Variants in USP24 observed in about 807,000 individuals in gnomAD.
USP24 encodes ubiquitin specific peptidase 24.
In USP24, 97 loss-of-function variants were observed where a neutral mutation model predicts 361.6. That is an observed-to-expected ratio of 0.27 (90% CI 0.23 to 0.32). The LOEUF is 0.32. Among genes scored for constraint, USP24 ranks in the 10% least tolerant of loss-of-function variants. The pLI is 1.00. For synonymous variants in USP24, 1,098 were observed against 1,124.6 expected, an observed-to-expected ratio of 0.98 and a Z score of 0.47; for missense variants, 2,353 against 3,165.6, an observed-to-expected ratio of 0.74 and a Z score of 6.16.
rs1645241071 is a variant in USP24, at chr1:55,085,934, A to T, written c.6765+8T>A. The T allele has an allele frequency of 6.2e-7, 1 of 1,612,876 alleles. No individual in the cohort carries two copies. Among genetic ancestry groups the T allele is most frequent in the Non-Finnish European group, 8.5e-7 (1 of 1,179,148 alleles). Reference sequence around the variant, plus strand: ...GTGTATAAATAACGTTTTAAAAATGAGACCGACCTTATCCTGATAAAACAA... The same window carrying T: ...GTGTATAAATAACGTTTTAAAAATGTGACCGACCTTATCCTGATAAAACAA... On this transcript the variant is annotated splice_region_variant and intron_variant, in intron 56 of 67. Coordinates refer to ENST00000294383, the MANE Select transcript of USP24 (RefSeq NM_015306.3).
chr1:55,166,542 T>G, intron 6 of USP24, 26 bp downstream of exon 6: 4 of 1,572,550 alleles, frequency 2.5e-6, no homozygotes, highest in Non-Finnish European at 3.5e-6. Context: ...ATATGCTACA[T>G]GACAATATTA....
intron 1 of USP24, 124 bp downstream of exon 1, chr1:55,214,666 C>G: frequency 2.3e-6 from 2 of 853,354 alleles, no homozygotes; most frequent in Non-Finnish European, 3.0e-6. Flanking sequence ...TCTCTCCGCC[C>G]CGCCCCCACT....
chr1:55,154,312 A>G, intron 14 of USP24, 32 bp from the exon 15 acceptor site: 5 of 1,583,084 alleles, frequency 3.2e-6, no homozygotes, highest in Non-Finnish European at 4.3e-6. Context: ...TCAGCCAGCC[A>G]ATATGCAAAT....
intron 1 of USP24, among the ~76,000 whole-genome samples, chr1:55,191,199 A>G (rs77615617): frequency 0.025 from 3,741 of 152,268 alleles, 56 homozygotes; most frequent in Non-Finnish European, 0.037. Flanking sequence ...CAGATGAACT[A>G]ATGTGTTCAA....
At chr1:55,120,476 A>T (rs533992720) in intron 38 of USP24, 120 bp downstream of exon 38, 2 of 1,229,700 alleles carry the variant, frequency 1.6e-6, no homozygotes, top group African/African-American at 3.1e-5. Context: ...CCCAAATTTC[A>T]GAAGAAGAAA....
chr1:55,193,358 C>T (rs1644338040), intron 1 of USP24, among the ~76,000 whole-genome samples: 1 of 152,056 alleles, frequency 6.6e-6, no homozygotes, highest in Admixed American at 6.5e-5. Context: ...CCCACAGAAA[C>T]CAAGGGACAA....
chr1:55,153,507 T>C (rs1173155757), intron 16 of USP24, among the ~76,000 whole-genome samples: 2 of 152,118 alleles, frequency 1.3e-5, no homozygotes, highest in Non-Finnish European at 2.9e-5. Flanking sequence ...GCTCCTCCAT[T>C]TCTCCTTTAT....
chr1:55,097,784 G>C, intron 47 of USP24, 67 bp from the exon 48 acceptor site: 1 of 1,506,468 alleles, frequency 6.6e-7, no homozygotes, highest in Non-Finnish European at 8.8e-7. Context: ...AAACAGCACA[G>C]TAATTAATGC....
intron 1 of USP24, among the ~76,000 whole-genome samples, chr1:55,192,583 A>G (rs1226564866): frequency 1.3e-5 from 2 of 152,256 alleles, no homozygotes; most frequent in Non-Finnish European, 2.9e-5. Context: ...GAGCTTAAGG[A>G]AAAACATGCA....
At chr1:55,196,746 T>C (rs1030662561) in intron 1 of USP24, among the ~76,000 whole-genome samples, 1 of 152,236 alleles carries the variant, frequency 6.6e-6, no homozygotes, top group Non-Finnish European at 1.5e-5. Flanking sequence ...TATCTCCCTG[T>C]TGAAAACCTT....
At chr1:55,214,720 G>A (rs1011482139) in intron 1 of USP24, 70 bp downstream of exon 1, 4 of 1,106,260 alleles carry the variant, frequency 3.6e-6, no homozygotes, top group Non-Finnish European at 3.4e-6. Flanking sequence ...CAAGCCCAGC[G>A]GGGTGTGTCC....
chr1:55,171,724 C>A (rs768378909), intron 4 of USP24, 46 bp from the exon 5 acceptor site: 2 of 1,560,532 alleles, frequency 1.3e-6, no homozygotes, highest in Non-Finnish European at 1.7e-6. Context: ...ATTTCTATAG[C>A]AACACATATT....
In USP24 at chr1:55,124,547, G is replaced by C; in HGVS notation, c.4042C>G (p.Leu1348Val). ...TTAATTGGCTGGCTACTCCCAACAA[G>C]ATCAAGCCGTCCTGCAGCCGCAGCC... ...SWAAAAGRLDLVGSSQPIKES... is the reference protein window; with the variant it reads ...SWAAAAGRLDVVGSSQPIKES... Residue 1348 changes from leucine (L) to valine (V), a missense_variant, in exon 35 of 68, where the codon CTT becomes GTT. Physicochemically the swap from Leu to Val is conservative, Grantham distance 32 (BLOSUM62 1). Around this residue, in one of 8 missense-constraint regions of USP24, gnomAD observed 949 missense variants for 1,280.5 expected, o/e 0.74. Transcript: ENST00000294383. The C allele has an allele frequency of 6.2e-7, 1 of 1,613,880 alleles. No individual in the cohort carries two copies. Among genetic ancestry groups the C allele is most frequent in the East Asian group, 2.2e-5 (1 of 44,882 alleles).
At chr1:55,166,546 A>T in intron 6 of USP24, 22 bp downstream of exon 6, 2 of 1,575,730 alleles carry the variant, frequency 1.3e-6, no homozygotes, top group Non-Finnish European at 1.7e-6. Flanking sequence ...GCTACATGAC[A>T]ATATTAACAA....
chr1:55,127,238 C>T (rs1394684078), intron 32 of USP24, among the ~76,000 whole-genome samples: 1 of 152,064 alleles, frequency 6.6e-6, no homozygotes, highest in East Asian at 1.9e-4. Context: ...CCACAACAGT[C>T]CCCAGAGTGT....
chr1:55,098,341 G>T, intron 46 of USP24, 135 bp downstream of exon 46: 1 of 893,568 alleles, frequency 1.1e-6, no homozygotes. Context: ...AGAAATTTAA[G>T]TCACTAAATA....
chr1:55,072,496 TC>T, intron 65 of USP24, 93 bp from the exon 66 acceptor site: 2 of 1,060,314 alleles, frequency 1.9e-6, no homozygotes. Flanking sequence ...CTTAAAAGCA[TC>T]CCAAGTAGGG....
At chr1:55,106,807 C>A (rs997321581) in intron 40 of USP24, among the ~76,000 whole-genome samples, 23 of 152,174 alleles carry the variant, frequency 1.5e-4, no homozygotes, top group African/African-American at 5.5e-4. Flanking sequence ...ACTGAATAAT[C>A]TTTTACAAAT....
intron 38 of USP24, among the ~76,000 whole-genome samples, chr1:55,118,732 A>G (rs182063048): frequency 9.9e-4 from 151 of 152,340 alleles, no homozygotes; most frequent in Admixed American, 5.2e-3. Context: ...CAATTTAAAA[A>G]TGAGCAAAGG....
Sources: allele counts gnomAD v4.1 joint callset (sites outside exome capture counted in the v4.1 genomes callset), GRCh38; gene constraint gnomAD v4.1.1; regional missense constraint gnomAD v4.1.1; transcripts MANE v1.5; gene names NCBI Gene and HGNC (gene_info 2026-07-23, HGNC 2026-07-21).